Variants in PKN2 observed in about 807,000 individuals in gnomAD.
PKN2 encodes the protein serine/threonine-protein kinase N2.
PKN2 carries 38 observed loss-of-function variants against 119.1 expected under a neutral mutation model. That is an observed-to-expected ratio of 0.32 (90% CI 0.25 to 0.42). The LOEUF is 0.42. Ranked by LOEUF, PKN2 falls within the 10% of genes least tolerant of loss-of-function variation. The pLI is 1.00. For missense variants in PKN2, 850 were observed against 1,165.1 expected (o/e 0.73, Z 3.94); for synonymous variants, 390 against 384.9 (o/e 1.01, Z -0.15).
chr1:88,795,238 TAC>T (rs1054360518), intron 8 of PKN2, among the ~76,000 whole-genome samples: 3 of 152,210 alleles, frequency 2.0e-5, no homozygotes, highest in African/African-American at 7.2e-5. Context: ...CTTTCCTGTT[TAC>T]AGTCTATGAT....
rs542786492 is a variant in PKN2, at chr1:88,748,714, C to T, written c.349+7426C>T. On this transcript the variant is annotated intron_variant, in intron 2 of 21. Coordinates refer to ENST00000370521, the MANE Select transcript of PKN2 (RefSeq NM_006256.4). ...CTTTGGGAGGTGGAGGTGGGGGGATCGTTTGAGCTCAGGAGTTTGAGACCA... is the reference window on the plus strand; with the variant it reads ...CTTTGGGAGGTGGAGGTGGGGGGATTGTTTGAGCTCAGGAGTTTGAGACCA... 1.3e-3 allele frequency among the ~76,000 whole-genome samples: 194 copies of T among 152,086 alleles called. 1 individual carries two copies. The highest frequency in any genetic ancestry group is 2.0e-3 in the Non-Finnish European group (139 of 68,002).
chr1:88,780,509 T>A (rs1670291744), intron 6 of PKN2, among the ~76,000 whole-genome samples: 1 of 152,194 alleles, frequency 6.6e-6, no homozygotes, highest in Non-Finnish European at 1.5e-5. Context: ...GCCCAGTGCC[T>A]CCCCTACCTT....
chr1:88,688,139 G>A (rs56360438), intron 1 of PKN2, among the ~76,000 whole-genome samples: 11,420 of 151,682 alleles, frequency 0.075, 901 homozygotes, highest in African/African-American at 0.2. Context: ...AGGCTAGAGT[G>A]CAGTGGTGTG....
At chr1:88,700,032 C>T (rs1298063351) in intron 1 of PKN2, among the ~76,000 whole-genome samples, 2 of 152,106 alleles carry the variant, frequency 1.3e-5, no homozygotes, top group African/African-American at 4.8e-5. Flanking sequence ...ATCCACCCAC[C>T]TTGGCCTCCC....
At chr1:88,733,434 A>G (rs1213237705) in intron 1 of PKN2, among the ~76,000 whole-genome samples, 1 of 152,142 alleles carries the variant, frequency 6.6e-6, no homozygotes, top group Non-Finnish European at 1.5e-5. Flanking sequence ...TTTGATGATT[A>G]GTGATGTTGA....
At chr1:88,712,568 A>G (rs1667277162) in intron 1 of PKN2, among the ~76,000 whole-genome samples, 1 of 152,194 alleles carries the variant, frequency 6.6e-6, no homozygotes, top group African/African-American at 2.4e-5. Context: ...ATTATTAAGA[A>G]TGTAATGATG....
chr1:88,713,499 G>C lies in PKN2; in HGVS notation c.49-27489G>C, dbSNP rs560103266. On this transcript the variant is annotated intron_variant, in intron 1 of 21. Coordinates refer to ENST00000370521, the MANE Select transcript of PKN2 (RefSeq NM_006256.4). Reference sequence around the variant, plus strand: ...TGGTGTGAGATGGTATCTCATTGTGGTTTTGATTTGCATTTCTCTGCTGGC... The same window carrying C: ...TGGTGTGAGATGGTATCTCATTGTGCTTTTGATTTGCATTTCTCTGCTGGC... 3.3e-5 allele frequency among the ~76,000 whole-genome samples: 5 copies of C among 152,216 alleles called. No individual in the cohort carries two copies. In the East Asian group the frequency reaches 9.6e-4, roughly 29 times the overall value.
intron 1 of PKN2, 103 bp from the exon 2 acceptor site, chr1:88,740,885 G>A (rs1570561281): frequency 1.6e-6 from 1 of 644,236 alleles, no homozygotes; most frequent in East Asian, 2.9e-5. Context: ...ATAGTTAAAT[G>A]TAATGTAATC....
rs544922916 is a variant in PKN2, at chr1:88,747,329, C to A, written c.349+6041C>A. ...ACCTTAGCCTAATTTGATCATTCTA[C>A]AATGTATAAATGTAATGAAACATCA... is the stretch of plus-strand genomic sequence containing the variant. On this transcript the variant is annotated intron_variant, in intron 2 of 21. Transcript: ENST00000370521. Among the ~76,000 whole-genome samples, 3 of 152,196 alleles carry A rather than the reference C, an allele frequency of 2.0e-5. No homozygotes were observed. In the South Asian group the frequency reaches 6.2e-4, roughly 32 times the overall value.
chr1:88,702,038 A>G (rs1202707022), intron 1 of PKN2, among the ~76,000 whole-genome samples: 1 of 152,146 alleles, frequency 6.6e-6, no homozygotes, highest in African/African-American at 2.4e-5. Context: ...GGCTCACTGC[A>G]ACCTCCGCCT....
chr1:88,728,051 T>C (rs1426480099), intron 1 of PKN2, among the ~76,000 whole-genome samples: 3 of 148,588 alleles, frequency 2.0e-5, no homozygotes. Flanking sequence ...TGGTTTTGGG[T>C]TACAGACTTC....
rs551019439 is a variant in PKN2 at position 88,789,028 on chromosome 1, G to A, written c.1281+2815G>A. 9.7e-4 allele frequency among the ~76,000 whole-genome samples: 148 copies of A among 152,258 alleles called. 3 individuals carry two copies. The highest frequency in any genetic ancestry group is 2.4e-4 in the Non-Finnish European group (16 of 68,014). On this transcript the variant is annotated intron_variant, in intron 8 of 21. Coordinates refer to ENST00000370521, the MANE Select transcript of PKN2 (RefSeq NM_006256.4). ...CTTTATCAATATTAGAAACAGAGAA[G>A]AGCCCTGTCCTTAGAACCAAAGCTT...
intron 1 of PKN2, among the ~76,000 whole-genome samples, chr1:88,711,405 G>A (rs1177326016): frequency 6.6e-6 from 1 of 152,070 alleles, no homozygotes; most frequent in Non-Finnish European, 1.5e-5. Context: ...TTTGAAACAT[G>A]TTTCTATGTT....
At chr1:88,715,443 G>C (rs1176707779) in intron 1 of PKN2, among the ~76,000 whole-genome samples, 1 of 152,104 alleles carries the variant, frequency 6.6e-6, no homozygotes, top group African/African-American at 2.4e-5. Context: ...CTCAATTTCA[G>C]AGTCTGTTAT....
Position 88,815,379 on chromosome 1 carries a change from C to T in PKN2, c.2279+1646C>T, listed in dbSNP as rs1171734626. Reference sequence around the variant, plus strand: ...CTTTAAAGGTAATTTTCTGAGTTCCCTAGCTAAAATATCACATCACTAACC... The same window carrying T: ...CTTTAAAGGTAATTTTCTGAGTTCCTTAGCTAAAATATCACATCACTAACC... On this transcript the variant is annotated intron_variant, in intron 16 of 21. Transcript: ENST00000370521. 1.8e-5 allele frequency: 5 copies of T among 284,916 alleles called. 1 individual carries two copies. Among genetic ancestry groups the T allele is most frequent in the Non-Finnish European group, 3.4e-5 (5 of 147,918 alleles). The allele number at this position is 284,916 out of a possible 1,614,324, so 17.6% of individuals were successfully genotyped here.
chr1:88,774,132 G>C (rs1669997461), intron 6 of PKN2, among the ~76,000 whole-genome samples: 1 of 152,072 alleles, frequency 6.6e-6, no homozygotes, highest in Admixed American at 6.6e-5. Flanking sequence ...AAACATAAAG[G>C]GGGAGATCTG....
intron 1 of PKN2, among the ~76,000 whole-genome samples, chr1:88,696,027 C>T (rs1033565765): frequency 3.9e-5 from 6 of 152,112 alleles, no homozygotes; most frequent in Admixed American, 1.3e-4. Context: ...AGTCTTTAGA[C>T]GCAATTGATA....
intron 2 of PKN2, among the ~76,000 whole-genome samples, chr1:88,748,123 A>G (rs929268498): frequency 6.6e-6 from 1 of 152,130 alleles, no homozygotes; most frequent in African/African-American, 2.4e-5. Flanking sequence ...GTGTAGTAAA[A>G]TTGTATATAT....
intron 1 of PKN2, among the ~76,000 whole-genome samples, chr1:88,697,107 G>A (rs1666570137): frequency 1.3e-5 from 2 of 151,854 alleles, no homozygotes; most frequent in Non-Finnish European, 2.9e-5. Flanking sequence ...ATAAATTTAG[G>A]GAATTGGTCA....
Sources: allele counts gnomAD v4.1 joint callset (sites outside exome capture counted in the v4.1 genomes callset), GRCh38; gene constraint gnomAD v4.1.1; transcripts MANE v1.5; gene names NCBI Gene and HGNC (gene_info 2026-07-23, HGNC 2026-07-21).